The following CEP85L variants were observed in gnomAD, a reference collection of about 807,000 sequenced individuals.
CEP85L encodes centrosomal protein of 85 kDa-like.
CEP85L carries 60 observed loss-of-function variants against 100.3 expected under a neutral mutation model. The observed-to-expected ratio is 0.60, with a 90% CI of 0.49 to 0.74. CEP85L has a LOEUF of 0.74. Ranked by LOEUF, CEP85L falls within the 30% of genes least tolerant of loss-of-function variation. The pLI is 0.00. For synonymous variants in CEP85L, 319 were observed against 322.7 expected (o/e 0.99, Z 0.12); for missense variants, 973 against 936.2 (o/e 1.04, Z -0.51).
intron 5 of CEP85L, among the ~76,000 whole-genome samples, chr6:118,493,070 T>TA (rs1321489750): frequency 3.9e-5 from 6 of 152,120 alleles, no homozygotes; most frequent in African/African-American, 1.4e-4. Context: ...AAGGCCATGT[T>TA]AAGTACAAAG....
At chr6:118,652,343 A>G, upstream of CEP85L, 1 of 985,746 alleles carries the variant, frequency 1.0e-6, no homozygotes. Flanking sequence ...CCCTTAGTGC[A>G]GGAGGAGACG....
At chr6:118,678,253 T>A (rs1032529598) in intron 1 of CEP85L, among the ~76,000 whole-genome samples, 5 of 152,192 alleles carry the variant, frequency 3.3e-5, no homozygotes, top group African/African-American at 1.2e-4. Flanking sequence ...GACTGGCTGC[T>A]CAGAATTGTT....
intron 3 of CEP85L, among the ~76,000 whole-genome samples, chr6:118,532,619 A>T (rs879668236): frequency 6.6e-5 from 10 of 152,208 alleles, no homozygotes; most frequent in Non-Finnish European, 1.0e-4. Flanking sequence ...TCACTTTCTA[A>T]GAAAATATCA....
chr6:118,691,558 C>T (rs1314361157), intron 1 of CEP85L, among the ~76,000 whole-genome samples: 1 of 128,902 alleles, frequency 7.8e-6, no homozygotes, highest in African/African-American at 3.0e-5. Context: ...AAGAAAGAAA[C>T]CCTGTCTCTA....
chr6:118,697,415 A>G (rs1777249963), intron 1 of CEP85L, among the ~76,000 whole-genome samples: 1 of 152,194 alleles, frequency 6.6e-6, no homozygotes, highest in Admixed American at 6.5e-5. Flanking sequence ...ACTGTCCATC[A>G]GCATTTCTCT....
At chr6:118,496,761 G>A (rs1466016924) in intron 5 of CEP85L, among the ~76,000 whole-genome samples, 1 of 152,196 alleles carries the variant, frequency 6.6e-6, no homozygotes, top group Admixed American at 6.5e-5. Context: ...ACACATTTCA[G>A]TGACACAGAA....
intron 2 of CEP85L, 73 bp from the exon 3 acceptor site, chr6:118,566,389 C>T (rs1227838642): frequency 8.3e-7 from 1 of 1,199,198 alleles, no homozygotes; most frequent in Non-Finnish European, 1.1e-6. Flanking sequence ...TGCAATATGC[C>T]AAAAGAAATA....
chr6:118,578,917 A>C (rs1780403897), intron 2 of CEP85L, among the ~76,000 whole-genome samples: 1 of 151,926 alleles, frequency 6.6e-6, no homozygotes, highest in Non-Finnish European at 1.5e-5. Flanking sequence ...TTTTTTTGAG[A>C]CAAAGTCTCA....
At chr6:118,652,374 G>A (rs541366518), upstream of CEP85L, 1 of 1,064,020 alleles carries the variant, frequency 9.4e-7, no homozygotes, top group East Asian at 9.0e-5. Flanking sequence ...GGGCGAAAAG[G>A]GACAGCATCG....
chr6:118,624,051 G>T (rs1773623511), intron 2 of CEP85L, among the ~76,000 whole-genome samples: 1 of 152,154 alleles, frequency 6.6e-6, no homozygotes, highest in Admixed American at 6.5e-5. Flanking sequence ...TATCAGCTCA[G>T]GAGTCTGAAG....
chr6:118,533,869 T>G (rs1582995413), intron 3 of CEP85L, among the ~76,000 whole-genome samples: 4 of 151,932 alleles, frequency 2.6e-5, no homozygotes, highest in African/African-American at 9.6e-5. Flanking sequence ...CCGAGGCAGG[T>G]GGATCTCTTG....
intron 8 of CEP85L, among the ~76,000 whole-genome samples, chr6:118,481,263 A>AG (rs1773763258): frequency 6.6e-6 from 1 of 151,040 alleles, no homozygotes; most frequent in Non-Finnish European, 1.5e-5. Flanking sequence ...TAAAGCCATT[A>AG]GGTAAAGGGT....
chr6:118,624,298 C>T (rs4946351), intron 2 of CEP85L, among the ~76,000 whole-genome samples: 103,323 of 151,898 alleles, frequency 0.68, 35,842 homozygotes, highest in Middle Eastern at 0.74. Context: ...CTAACCATAC[C>T]CTTTGCAGTA....
At position 118,508,436 on chromosome 6, in the gene CEP85L, C is replaced by A. The variant is rs988424345; in HGVS notation, c.1257+2862G>T. 5.9e-5 allele frequency among the ~76,000 whole-genome samples: 9 copies of A among 152,146 alleles called. No individual in the cohort carries two copies. In the East Asian group the frequency reaches 1.7e-3, roughly 29 times the overall value. On this transcript the variant is annotated intron_variant, in intron 5 of 12. Coordinates refer to ENST00000368491, the MANE Select transcript of CEP85L (RefSeq NM_001042475.3). Reference sequence around the variant, plus strand: ...GGTCCTTCATATTTGGTTTATTCCACAAAGTCCTGTTAACCACAGATGGAA... The same window carrying A: ...GGTCCTTCATATTTGGTTTATTCCAAAAAGTCCTGTTAACCACAGATGGAA...
Position 118,516,244 on chromosome 6 carries a change from T to TA in CEP85L, c.1140-4830_1140-4829insT, listed in dbSNP as rs1482250926. ...GCATCTGTCTTTATAGGAGAATGATTTATAATCCTTTGGGTATATACCCAG... is the reference window on the plus strand; with the variant it reads ...GCATCTGTCTTTATAGGAGAATGATTATATAATCCTTTGGGTATATACCCAG... On this transcript the variant is annotated intron_variant, in intron 4 of 12. Coordinates refer to ENST00000368491, the MANE Select transcript of CEP85L (RefSeq NM_001042475.3). Among the ~76,000 whole-genome samples the TA allele has an allele frequency of 1.2e-4, 19 of 152,224 alleles. 1 individual carries two copies. Among genetic ancestry groups the TA allele is most frequent in the Admixed American group, 1.2e-3 (19 of 15,284 alleles).
rs556882373 is a variant in CEP85L at position 118,665,734 on chromosome 6, A to G, written c.-27-12926T>C. On this transcript the variant is annotated intron_variant, in intron 1 of 13. Transcript: ENST00000368488. ...AATGCCAGGGTACTCAGGTTCTTCA[A>G]CAGACTCTAGTTTTCTTATCCTCTA... Among the ~76,000 whole-genome samples the G allele has an allele frequency of 4.6e-5, 7 of 152,256 alleles. No homozygotes were observed. The South Asian group carries it at 1.5e-3, about 32-fold the overall frequency.
rs1344416331 is a variant in CEP85L, at chr6:118,462,333, G to A, written c.*3072C>T. On this transcript the variant is annotated 3_prime_UTR_variant, in exon 13 of 13. Coordinates refer to ENST00000368491, the MANE Select transcript of CEP85L (RefSeq NM_001042475.3). Reference sequence around the variant, plus strand: ...TGTTTTTGTTTAATTAGAGGCCACTGAAAATTAATAGTTCAAATTAAGCCA... The same window carrying A: ...TGTTTTTGTTTAATTAGAGGCCACTAAAAATTAATAGTTCAAATTAAGCCA... 1.3e-5 allele frequency: 2 copies of A among 151,986 alleles called. No homozygotes were observed. Among genetic ancestry groups the A allele is most frequent in the Admixed American group, 6.6e-5 (1 of 15,252 alleles). The allele number at this position is 151,986 out of a possible 1,614,324, so 9.4% of individuals were successfully genotyped here. A position where few individuals can be genotyped will look rare whatever the true frequency, so the allele number is the denominator to read the frequency against.
chr6:118,583,519 G>A (rs1780691222), intron 2 of CEP85L, among the ~76,000 whole-genome samples: 1 of 152,180 alleles, frequency 6.6e-6, no homozygotes, highest in East Asian at 1.9e-4. Flanking sequence ...GGGGCCTGCA[G>A]CATCTTTACA....
chr6:118,570,863 C>G (rs1011159748), intron 2 of CEP85L, among the ~76,000 whole-genome samples: 1 of 152,036 alleles, frequency 6.6e-6, no homozygotes, highest in Non-Finnish European at 1.5e-5. Flanking sequence ...ATTCAGAATT[C>G]ATTACTGTCA....
Sources: allele counts gnomAD v4.1 joint callset (sites outside exome capture counted in the v4.1 genomes callset), GRCh38; gene constraint gnomAD v4.1.1; transcripts MANE v1.5; gene names NCBI Gene and HGNC (gene_info 2026-07-23, HGNC 2026-07-21).